The following NUCB2 variants were observed in gnomAD, a reference collection of about 807,000 sequenced individuals.
NUCB2 encodes the protein nucleobindin 2, also known as nucleobindin-2.
NUCB2 carries 48 observed loss-of-function variants against 57.9 expected under a neutral mutation model. The ratio of observed to expected loss-of-function variants is 0.83; its 90% confidence interval spans 0.66 to 1.05. NUCB2 has a LOEUF of 1.05. Ranked by LOEUF, NUCB2 falls within the 50% of genes least tolerant of loss-of-function variation. The pLI is 0.00. For missense variants in NUCB2, 442 were observed against 476.2 expected (o/e 0.93, Z 0.67); for synonymous variants, 139 against 152.1 (o/e 0.91, Z 0.64).
chr11:17,334,903 G>C (rs576606188), downstream of NUCB2, among the ~76,000 whole-genome samples: 159 of 148,098 alleles, frequency 1.1e-3, no homozygotes, highest in African/African-American at 3.7e-3. Flanking sequence ...AAAAAAAAAG[G>C]CTACCCTAGC....
At chr11:17,325,889 C>A (rs1950599399) in intron 11 of NUCB2, among the ~76,000 whole-genome samples, 1 of 152,020 alleles carries the variant, frequency 6.6e-6, no homozygotes, top group African/African-American at 2.4e-5. Context: ...TTTTATAACC[C>A]ATTATTTTAA....
chr11:17,287,309 G>A (rs1235755108), intron 2 of NUCB2, among the ~76,000 whole-genome samples: 1 of 152,038 alleles, frequency 6.6e-6, no homozygotes, highest in East Asian at 1.9e-4. Flanking sequence ...TTCAGCCTGG[G>A]TGGCAGAATG....
At chr11:17,318,119 A>T (rs1050963602) in intron 11 of NUCB2, among the ~76,000 whole-genome samples, 2 of 151,198 alleles carry the variant, frequency 1.3e-5, no homozygotes, top group Admixed American at 6.6e-5. Context: ...GGCTCAAGTG[A>T]TTCTCCCACC....
rs1944513315 is a variant in NUCB2, at chr11:17,289,167, A to G, written c.1-6157A>G. ...GAGACAGGGTTTCATCATGTTGGCC[A>G]GGTTGGTCTTGAACTCCTAACCTCA... On this transcript the variant is annotated intron_variant, in intron 2 of 13. Coordinates refer to ENST00000529010, the MANE Select transcript of NUCB2 (RefSeq NM_005013.4). Among the ~76,000 whole-genome samples the G allele has an allele frequency of 2.0e-5, 3 of 151,968 alleles. No individual in the cohort carries two copies. In the South Asian group the frequency reaches 6.2e-4, roughly 32 times the overall value.
intron 4 of NUCB2, among the ~76,000 whole-genome samples, chr11:17,296,717 C>A (rs1206519111): frequency 6.6e-6 from 1 of 152,072 alleles, no homozygotes; most frequent in Non-Finnish European, 1.5e-5. Flanking sequence ...AAACTGGAAG[C>A]AGTAACTGTG....
chr11:17,302,014 C>G (rs1365359346), intron 5 of NUCB2, 144 bp downstream of exon 5: 1 of 620,104 alleles, frequency 1.6e-6, no homozygotes, highest in Non-Finnish European at 2.7e-6. Flanking sequence ...ATCCTCCCAT[C>G]TCAACCTCCT....
chr11:17,301,089 C>T (rs1946646240), intron 4 of NUCB2, among the ~76,000 whole-genome samples: 1 of 149,872 alleles, frequency 6.7e-6, no homozygotes, highest in Non-Finnish European at 1.5e-5. Flanking sequence ...TCTCCTGCCT[C>T]AGCCTCCCGA....
At chr11:17,279,348 C>A (rs560860502) in intron 1 of NUCB2, among the ~76,000 whole-genome samples, 3 of 152,074 alleles carry the variant, frequency 2.0e-5, no homozygotes, top group African/African-American at 7.2e-5. Context: ...GATTCCAGTA[C>A]GGGCTCTGCC....
chr11:17,345,610 G>A (rs1430070911), intron 2 of NUCB2, among the ~76,000 whole-genome samples: 1 of 152,182 alleles, frequency 6.6e-6, no homozygotes, highest in Non-Finnish European at 1.5e-5. Context: ...AGGAGGCTGA[G>A]GCAGGAGAAT....
chr11:17,347,506 T>C (rs1353493439), intron 2 of NUCB2, among the ~76,000 whole-genome samples: 1 of 152,220 alleles, frequency 6.6e-6, no homozygotes, highest in Non-Finnish European at 1.5e-5. Context: ...TTGTGATCCC[T>C]TACCCTAAAT....
chr11:17,290,986 G>T (rs975698641), intron 2 of NUCB2, among the ~76,000 whole-genome samples: 2 of 151,786 alleles, frequency 1.3e-5, no homozygotes, highest in Non-Finnish European at 2.9e-5. Context: ...TATTCATAAG[G>T]TTATGCAACC....
intron 2 of NUCB2, among the ~76,000 whole-genome samples, chr11:17,287,113 T>C (rs12287274): frequency 0.019 from 2,841 of 152,038 alleles, 90 homozygotes; most frequent in African/African-American, 0.065. Context: ...AGAGGTAGGA[T>C]AAATAGAAAG....
intron 2 of NUCB2, among the ~76,000 whole-genome samples, chr11:17,286,977 G>A (rs1328036229): frequency 3.3e-5 from 5 of 151,892 alleles, no homozygotes; most frequent in Admixed American, 3.3e-4. Context: ...ATTAGAGTCA[G>A]TGTTTAAATT....
chr11:17,285,521 G>A (rs1314133807), intron 2 of NUCB2, among the ~76,000 whole-genome samples: 2 of 150,652 alleles, frequency 1.3e-5, no homozygotes, highest in Admixed American at 6.6e-5. Context: ...AGGTTGCAGT[G>A]AGCTGAGATT....
intron 5 of NUCB2, among the ~76,000 whole-genome samples, chr11:17,304,834 A>G (rs573046489): frequency 2.0e-5 from 3 of 152,364 alleles, no homozygotes; most frequent in South Asian, 2.1e-4. Flanking sequence ...CAAAAACTTT[A>G]AAATACTCAT....
At position 17,340,284 on chromosome 11, in the gene NUCB2, TC is replaced by T. The variant is rs1952145894; in HGVS notation, n.2626+2753del. 2.0e-5 allele frequency among the ~76,000 whole-genome samples: 3 copies of T among 152,338 alleles called. No homozygotes were observed. In the South Asian group the frequency reaches 6.2e-4, roughly 32 times the overall value. On this transcript the variant is annotated intron_variant and non_coding_transcript_variant, in intron 2 of 2. Transcript: ENST00000532240. Reference sequence around the variant, plus strand: ...AGATGAGTAGATTGTGAAAATTTTCTCCCATTCTGTAGGTTGCCTGTTCACT... The same window carrying T: ...AGATGAGTAGATTGTGAAAATTTTCTCCATTCTGTAGGTTGCCTGTTCACT...
At chr11:17,285,576 CAAA>C (rs1319420352) in intron 2 of NUCB2, among the ~76,000 whole-genome samples, 1 of 109,894 alleles carries the variant, frequency 9.1e-6, no homozygotes. Flanking sequence ...GACACTGTCT[CAAA>C]AAAAAAAAAA....
intron 1 of NUCB2, chr11:17,337,236 T>C (rs1039665500): frequency 9.2e-5 from 14 of 152,198 alleles, no homozygotes; most frequent in Non-Finnish European, 1.8e-4. Flanking sequence ...CCATTGTTCC[T>C]GGCTGTTAAT....
At chr11:17,339,110 C>G (rs932569383) in intron 2 of NUCB2, among the ~76,000 whole-genome samples, 3 of 152,242 alleles carry the variant, frequency 2.0e-5, no homozygotes, top group Admixed American at 6.5e-5. Flanking sequence ...GCCTCAGTCT[C>G]CTGAGTAGCT....
Sources: gnomAD v4.1 joint callset for allele counts (sites outside exome capture counted in the v4.1 genomes callset) on GRCh38, gnomAD v4.1.1 for gene constraint, MANE v1.5 for transcripts, NCBI Gene and HGNC (gene_info 2026-07-23, HGNC 2026-07-21) for gene names.